The following MYT1L variants were observed in gnomAD, a reference collection of about 807,000 sequenced individuals.
MYT1L encodes myelin transcription factor 1 like.
A neutral mutation model predicts 126.7 loss-of-function variants in MYT1L; 12 were observed. The ratio of observed to expected loss-of-function variants is 0.09; its 90% confidence interval spans 0.06 to 0.15. MYT1L has a LOEUF of 0.15. MYT1L is among the 10% of genes least tolerant of loss of function. MYT1L has a pLI of 1.00. For synonymous variants in MYT1L, 541 were observed against 604.2 expected (o/e 0.90, Z 1.53); for missense variants, 979 against 1,585.2 (o/e 0.62, Z 6.49).
chr2:2,296,421 G>C (rs2095694725), intron 1 of MYT1L, among the ~76,000 whole-genome samples: 1 of 151,942 alleles, frequency 6.6e-6, no homozygotes, highest in African/African-American at 2.4e-5. Context: ...CCATTTTGAG[G>C]GTTTTTCCTT....
intron 2 of MYT1L, among the ~76,000 whole-genome samples, chr2:2,210,982 T>C (rs2093485196): frequency 6.6e-6 from 1 of 152,192 alleles, no homozygotes. Flanking sequence ...TAATTTTATG[T>C]GTGGCTATTA....
chr2:1,952,858 C>T (rs1422042958), intron 8 of MYT1L, among the ~76,000 whole-genome samples: 1 of 63,572 alleles, frequency 1.6e-5, no homozygotes, highest in Non-Finnish European at 2.9e-5. Flanking sequence ...CTTCCCTTAC[C>T]TCCTTCTTTC....
intron 4 of MYT1L, among the ~76,000 whole-genome samples, chr2:2,029,915 CT>C (rs1351359799): frequency 2.6e-5 from 4 of 151,986 alleles, no homozygotes; most frequent in Non-Finnish European, 4.4e-5. Context: ...ATTTATATAA[CT>C]TTTTTACCTG....
Position 1,889,662 on chromosome 2 carries a change from C to T in MYT1L, c.2284-185G>A, listed in dbSNP as rs1442185316. 6.6e-6 allele frequency among the ~76,000 whole-genome samples: 1 copy of T among 152,154 alleles called. No individual in the cohort carries two copies. Among genetic ancestry groups the T allele is most frequent in the East Asian group, 1.9e-4 (1 of 5,190 alleles). Reference sequence around the variant, plus strand: ...TTGTCTGGTGGTACATTCCTGCTATCCCACGCTTAGCTGCAAAATTGGTTG... The same window carrying T: ...TTGTCTGGTGGTACATTCCTGCTATTCCACGCTTAGCTGCAAAATTGGTTG... On this transcript the variant is annotated intron_variant, in intron 15 of 24. Transcript: ENST00000647738. This position sits in a 1 kb window ranked among gnomAD's most constrained non-coding sequence, Gnocchi z 4.1.
At chr2:1,972,724 T>TGTGG (rs2059902039) in intron 8 of MYT1L, among the ~76,000 whole-genome samples, 1 of 152,228 alleles carries the variant, frequency 6.6e-6, no homozygotes, top group African/African-American at 2.4e-5. Context: ...TTCACCACGC[T>TGTGG]GTGCCATGGC....
intron 9 of MYT1L, among the ~76,000 whole-genome samples, chr2:1,926,553 C>G (rs1319035623): frequency 6.6e-6 from 1 of 152,138 alleles, no homozygotes; most frequent in Non-Finnish European, 1.5e-5. Flanking sequence ...GGCCATTTTA[C>G]TAGGTTTTGT....
At chr2:1,822,394 C>T (rs2038670024) in intron 21 of MYT1L, among the ~76,000 whole-genome samples, 2 of 152,228 alleles carry the variant, frequency 1.3e-5, no homozygotes, top group South Asian at 2.1e-4. Context: ...GAGGAACACA[C>T]GTGCACCTTT....
chr2:2,161,287 C>CTAT (rs2087875901), intron 3 of MYT1L, among the ~76,000 whole-genome samples: 1 of 152,160 alleles, frequency 6.6e-6, no homozygotes, highest in African/African-American at 2.4e-5. Context: ...GTGTATCCTG[C>CTAT]TTGGATATTT....
intron 22 of MYT1L, chr2:1,802,036 A>T (rs918027460): frequency 2.5e-6 from 1 of 395,014 alleles, no homozygotes. Flanking sequence ...CGCACAGAAG[A>T]CTCCCAGGCA....
intron 18 of MYT1L, among the ~76,000 whole-genome samples, chr2:1,884,849 C>T (rs777703012): frequency 3.5e-4 from 54 of 152,294 alleles, no homozygotes; most frequent in Non-Finnish European, 7.2e-4. Context: ...AAGAGCTAAC[C>T]GGCTCCCTCG....
chr2:1,949,679 C>G (rs1220552805), intron 8 of MYT1L, among the ~76,000 whole-genome samples: 1 of 152,080 alleles, frequency 6.6e-6, no homozygotes, highest in Non-Finnish European at 1.5e-5. Flanking sequence ...AACTGAAAAC[C>G]AAACTTGGCA....
chr2:2,229,163 C>T (rs529327131), intron 2 of MYT1L, among the ~76,000 whole-genome samples: 1 of 152,342 alleles, frequency 6.6e-6, no homozygotes, highest in Admixed American at 6.5e-5. Context: ...TAACTATCTT[C>T]TCTATACAAA....
Position 1,943,084 on chromosome 2 carries a change from T to A in MYT1L, c.403A>T (p.Ile135Phe). The change falls in exon 9 of 25, where the codon ATC becomes TTC. Residue 135 changes from isoleucine (I) to phenylalanine (F), a missense_variant. Transcript: ENST00000647738. This position sits in a 1 kb window ranked among gnomAD's most constrained non-coding sequence, Gnocchi z 4.4. Reference protein sequence around the residue: ...EEGDREEEEEIEEEDEDDDED... With the variant: ...EEGDREEEEEFEEEDEDDDED... ...TCATCGTCCTCATCCTCCTCCTCGA[T>A]CTCCTCCTCCTCCTCCCGGTCCCCC... The A allele has an allele frequency of 6.9e-7, 1 of 1,441,846 alleles. No individual in the cohort carries two copies. Among genetic ancestry groups the A allele is most frequent in the Non-Finnish European group, 9.5e-7 (1 of 1,048,158 alleles). 89.3% of individuals were successfully genotyped at this position (1,441,846 alleles called of 1,614,324 possible).
chr2:2,018,504 A>C (rs1282540079), intron 4 of MYT1L, among the ~76,000 whole-genome samples: 2 of 152,226 alleles, frequency 1.3e-5, no homozygotes, highest in African/African-American at 2.4e-5. Flanking sequence ...CATGTGCTCC[A>C]GTGCTCCTTT....
At chr2:1,831,996 C>T (rs1474527260) in intron 21 of MYT1L, among the ~76,000 whole-genome samples, 1 of 152,168 alleles carries the variant, frequency 6.6e-6, no homozygotes, top group African/African-American at 2.4e-5. Context: ...CAAAGTCCCA[C>T]AGAATCTCAA....
At chr2:2,060,476 C>T (rs948650630) in intron 3 of MYT1L, among the ~76,000 whole-genome samples, 1 of 152,014 alleles carries the variant, frequency 6.6e-6, no homozygotes. Context: ...TGATCTATTA[C>T]TTTATGTTTA....
At chr2:1,856,757 C>T (rs4602252) in intron 18 of MYT1L, among the ~76,000 whole-genome samples, 76,713 of 152,126 alleles carry the variant, frequency 0.5, 20,926 homozygotes, top group Middle Eastern at 0.73. Context: ...ATTGAAAGCA[C>T]GACATGCTCT....
chr2:2,045,522 T>C (rs2150046043), intron 4 of MYT1L, among the ~76,000 whole-genome samples: 1 of 152,290 alleles, frequency 6.6e-6, no homozygotes, highest in Non-Finnish European at 1.5e-5. Context: ...ATAAAATGAA[T>C]AACCTCATAG....
Position 1,811,921 on chromosome 2 carries a change from C to A in MYT1L, c.3081-2754G>T, listed in dbSNP as rs2036727469. ...GGGGTGGGGGCTGACACTTCTGCTTCCCTAGCTTATCCGTAAATCTGCTTC... is the reference window on the plus strand; with the variant it reads ...GGGGTGGGGGCTGACACTTCTGCTTACCTAGCTTATCCGTAAATCTGCTTC... On this transcript the variant is annotated intron_variant, in intron 21 of 24. Transcript: ENST00000647738. The surrounding 1 kb of genome is among the most constrained non-coding windows in gnomAD (Gnocchi z 4.4). Among the ~76,000 whole-genome samples, 1 of 152,212 alleles carries A rather than the reference C, an allele frequency of 6.6e-6. No homozygotes were observed. Among genetic ancestry groups the A allele is most frequent in the Non-Finnish European group, 1.5e-5 (1 of 68,046 alleles).
Sources: gnomAD v4.1 joint callset for allele counts (sites outside exome capture counted in the v4.1 genomes callset) on GRCh38, gnomAD v4.1.1 for gene constraint, Gnocchi (gnomAD v3.1) non-coding constraint, MANE v1.5 for transcripts, NCBI Gene and HGNC (gene_info 2026-07-23, HGNC 2026-07-21) for gene names.